The following CSMD2 variants were observed in gnomAD, a reference collection of about 807,000 sequenced individuals.
CSMD2 encodes the protein CUB and sushi domain-containing protein 2.
In CSMD2, 130 loss-of-function variants were observed where a neutral mutation model predicts 398.5. The observed-to-expected ratio is 0.33, with a 90% CI of 0.28 to 0.38. The LOEUF is 0.38. CSMD2 is among the 10% of genes least tolerant of loss of function. CSMD2 has a pLI of 1.00. For synonymous variants in CSMD2, 1,828 were observed against 1,908.5 expected (o/e 0.96, Z 1.10); for missense variants, 3,829 against 4,764.9 (o/e 0.80, Z 5.78).
chr1:33,896,380 G>A (rs1361303241), intron 5 of CSMD2, among the ~76,000 whole-genome samples: 2 of 152,164 alleles, frequency 1.3e-5, no homozygotes, highest in Non-Finnish European at 2.9e-5. Context: ...GGAGGCCTCG[G>A]TGAAGCTTGA....
chr1:33,964,618 C>A (rs1202280635), intron 3 of CSMD2, among the ~76,000 whole-genome samples: 2 of 152,166 alleles, frequency 1.3e-5, no homozygotes, highest in Non-Finnish European at 2.9e-5. Context: ...GTTTTTATTT[C>A]TGAGGATGGG....
chr1:34,122,505 T>C (rs993336642), intron 1 of CSMD2, among the ~76,000 whole-genome samples: 1 of 152,110 alleles, frequency 6.6e-6, no homozygotes, highest in Non-Finnish European at 1.5e-5. Flanking sequence ...ATCCTCTTCC[T>C]CATGCAAAGT....
At chr1:33,927,947 C>T (rs969256151) in intron 4 of CSMD2, among the ~76,000 whole-genome samples, 2 of 152,196 alleles carry the variant, frequency 1.3e-5, no homozygotes, top group African/African-American at 4.8e-5. Context: ...CAGGCCCTTT[C>T]CCAGAGGTTT....
chr1:33,888,175 T>G (rs60534543), intron 5 of CSMD2, among the ~76,000 whole-genome samples: 10,810 of 152,176 alleles, frequency 0.071, 484 homozygotes, highest in Middle Eastern at 0.13. Context: ...CTGTAAAAAT[T>G]TTAATTCTCT....
intron 32 of CSMD2, among the ~76,000 whole-genome samples, chr1:33,629,710 ACT>A (rs1346177680): frequency 1.3e-5 from 2 of 149,126 alleles, no homozygotes; most frequent in Non-Finnish European, 3.0e-5. Flanking sequence ...GGAATAAGGG[ACT>A]CTCTGAATAT....
At chr1:33,675,071 A>G (rs1260722196) in intron 25 of CSMD2, among the ~76,000 whole-genome samples, 1 of 152,244 alleles carries the variant, frequency 6.6e-6, no homozygotes, top group Non-Finnish European at 1.5e-5. Context: ...GAGCAAACAC[A>G]TTCAAAAGCT....
At chr1:33,554,308 C>T (rs937974674) in intron 55 of CSMD2, among the ~76,000 whole-genome samples, 1 of 150,860 alleles carries the variant, frequency 6.6e-6, no homozygotes, top group Non-Finnish European at 1.5e-5. Flanking sequence ...ATTCCCCTGC[C>T]TCAGCCTCCC....
At chr1:33,751,910 C>A (rs1451788532) in intron 13 of CSMD2, among the ~76,000 whole-genome samples, 1 of 152,156 alleles carries the variant, frequency 6.6e-6, no homozygotes, top group Non-Finnish European at 1.5e-5. Flanking sequence ...CAGGCATGAG[C>A]CACTGTGCCC....
In CSMD2 at chr1:33,537,722, A is replaced by G. The variant is rs1570656665; in HGVS notation, c.9632-113T>C. 8.5e-7 allele frequency: 1 copy of G among 1,173,838 alleles called. No homozygotes were observed. Among genetic ancestry groups the G allele is most frequent in the Non-Finnish European group, 1.2e-6 (1 of 865,190 alleles). 72.7% of individuals were successfully genotyped at this position (1,173,838 alleles called of 1,614,324 possible). ...CTGCTCCCTTCCTGGTTGAGCTTGAACTCTGGGAACCGGGGCAGCCCCAGG... is the reference window on the plus strand; with the variant it reads ...CTGCTCCCTTCCTGGTTGAGCTTGAGCTCTGGGAACCGGGGCAGCCCCAGG... On this transcript the variant is annotated intron_variant, in intron 60 of 70. Coordinates refer to ENST00000373381, the MANE Select transcript of CSMD2 (RefSeq NM_001281956.2). This position sits in a 1 kb window ranked among gnomAD's most constrained non-coding sequence, Gnocchi z 4.6.
chr1:33,925,868 C>T (rs1275440137), intron 4 of CSMD2, among the ~76,000 whole-genome samples: 2 of 152,112 alleles, frequency 1.3e-5, no homozygotes, highest in Non-Finnish European at 2.9e-5. Flanking sequence ...CATTGCCTTG[C>T]TCCAGGGCCT....
intron 15 of CSMD2, among the ~76,000 whole-genome samples, chr1:33,734,699 C>T (rs956586253): frequency 6.6e-6 from 1 of 151,480 alleles, no homozygotes; most frequent in Admixed American, 6.6e-5. Context: ...GCAGGAGAAT[C>T]GCTTGAACTT....
intron 5 of CSMD2, chr1:33,870,518 C>T (rs1640386123): frequency 6.6e-6 from 1 of 152,276 alleles, no homozygotes; most frequent in South Asian, 2.1e-4. Flanking sequence ...AACAGCTCTC[C>T]CTACCCAGTG....
rs1329415834 is a variant in CSMD2 at position 33,567,620 on chromosome 1, A to C, written c.8353T>G (p.Trp2785Gly). ...ACACAGAAAGGGGTCTTGCCCGACCAGTGATGATCCTGCTGGCAGATGCGC... is the reference window on the plus strand; with the variant it reads ...ACACAGAAAGGGGTCTTGCCCGACCCGTGATGATCCTGCTGGCAGATGCGC... ...SVRICQQDHH[W>G]SGKTPFCVPI... Residue 2785 changes from tryptophan to glycine, a missense_variant, in exon 53 of 71, where the codon TGG (tryptophan) becomes GGG (glycine). Coordinates refer to ENST00000373381, the MANE Select transcript of CSMD2 (RefSeq NM_001281956.2). The C allele has an allele frequency of 6.2e-7, 1 of 1,614,196 alleles. No individual in the cohort carries two copies. Among genetic ancestry groups the C allele is most frequent in the Non-Finnish European group, 8.5e-7 (1 of 1,180,020 alleles).
intron 5 of CSMD2, among the ~76,000 whole-genome samples, chr1:33,865,907 C>T (rs1639999433): frequency 6.6e-6 from 1 of 152,150 alleles, no homozygotes; most frequent in Non-Finnish European, 1.5e-5. Context: ...GGCAACATTC[C>T]ATACCAATCA....
At chr1:33,780,018 G>C (rs546118171) in intron 12 of CSMD2, among the ~76,000 whole-genome samples, 44 of 152,310 alleles carry the variant, frequency 2.9e-4, no homozygotes, top group Admixed American at 9.1e-4. Flanking sequence ...GGAAGCTCAA[G>C]TGATGAAGAG....
At chr1:34,004,350 G>C (rs1417968275) in intron 3 of CSMD2, among the ~76,000 whole-genome samples, 2 of 152,160 alleles carry the variant, frequency 1.3e-5, no homozygotes, top group African/African-American at 2.4e-5. Context: ...ATTTGAGTAG[G>C]CCTTCTCTCA....
At chr1:33,523,525 G>T (rs932244716) in intron 66 of CSMD2, 106 bp from the exon 67 acceptor site, 3 of 640,560 alleles carry the variant, frequency 4.7e-6, no homozygotes, top group African/African-American at 1.8e-5. Flanking sequence ...TTCATGTGTA[G>T]ATGTTGATAT....
At position 33,624,952 on chromosome 1, in the gene CSMD2, G is replaced by C. The variant is rs981333513; in HGVS notation, c.5500+99C>G. On this transcript the variant is annotated intron_variant, in intron 34 of 70. Transcript: ENST00000373381. The surrounding 1 kb of genome is among the most constrained non-coding windows in gnomAD (Gnocchi z 4.7). ...AGCCATGCGGTGGGAAGCGGCTGCT[G>C]TGTGTCGTGGGGCATCACTGGGGCT... The C allele has an allele frequency of 8.1e-7, 1 of 1,235,992 alleles. No individual in the cohort carries two copies. The highest frequency in any genetic ancestry group is 1.5e-5 in the African/African-American group (1 of 67,594). 76.6% of individuals were successfully genotyped at this position (1,235,992 alleles called of 1,614,324 possible).
chr1:33,923,338 T>C (rs953397681), intron 4 of CSMD2, among the ~76,000 whole-genome samples: 3 of 152,080 alleles, frequency 2.0e-5, no homozygotes, highest in African/African-American at 7.2e-5. Context: ...GTGGCACCTC[T>C]CCCTCACTCC....
Sources: gnomAD v4.1 joint callset for allele counts (sites outside exome capture counted in the v4.1 genomes callset) on GRCh38, gnomAD v4.1.1 for gene constraint, Gnocchi (gnomAD v3.1) non-coding constraint, MANE v1.5 for transcripts, NCBI Gene and HGNC (gene_info 2026-07-23, HGNC 2026-07-21) for gene names.